The following SUPT3H variants were observed in gnomAD, a reference collection of about 807,000 sequenced individuals.
SUPT3H encodes transcription initiation protein SPT3 homolog.
Under a neutral mutation model 44.3 loss-of-function variants are expected in SUPT3H, and 44 were observed. The observed-to-expected ratio is 0.99, with a 90% CI of 0.78 to 1.28. The LOEUF is 1.28. Among genes scored for constraint, SUPT3H ranks in the 50% most tolerant of loss-of-function variants. The probability of loss-of-function intolerance (pLI) is 0.00; values close to 1 mark genes in which losing one functional copy is unlikely to be tolerated. For missense variants in SUPT3H, 380 were observed against 387.1 expected, an observed-to-expected ratio of 0.98 and a Z score of 0.15; for synonymous variants, 124 against 125.6, an observed-to-expected ratio of 0.99 and a Z score of 0.09.
chr6:45,264,477 T>C (rs1422135004), intron 2 of SUPT3H, among the ~76,000 whole-genome samples: 5 of 152,108 alleles, frequency 3.3e-5, no homozygotes, highest in Admixed American at 2.0e-4. Flanking sequence ...CTGGCCAACA[T>C]GGTGAAACAA....
intron 10 of SUPT3H, among the ~76,000 whole-genome samples, chr6:44,854,692 A>G (rs921235093): frequency 2.0e-5 from 3 of 152,182 alleles, no homozygotes; most frequent in African/African-American, 7.2e-5. Flanking sequence ...TCTGCTTATG[A>G]CCACAAACAC....
chr6:45,348,674 CA>C (rs574845659), intron 2 of SUPT3H, among the ~76,000 whole-genome samples: 1,047 of 76,008 alleles, frequency 0.014, 12 homozygotes, highest in African/African-American at 0.051. Flanking sequence ...AACTCCAACT[CA>C]AAAAAAAAAA....
chr6:45,161,771 C>T (rs746550527), intron 2 of SUPT3H, among the ~76,000 whole-genome samples: 25 of 152,060 alleles, frequency 1.6e-4, no homozygotes, highest in African/African-American at 2.9e-4. Context: ...ATTCTTCTCT[C>T]GAATTTTTTC....
chr6:44,938,597 T>C (rs921389354), intron 9 of SUPT3H, among the ~76,000 whole-genome samples: 4 of 152,130 alleles, frequency 2.6e-5, no homozygotes, highest in African/African-American at 9.7e-5. Context: ...TTTTTTTTTC[T>C]AATTCTGTAA....
At chr6:44,964,121 T>C (rs1489936244) in intron 6 of SUPT3H, among the ~76,000 whole-genome samples, 1 of 152,228 alleles carries the variant, frequency 6.6e-6, no homozygotes, top group Non-Finnish European at 1.5e-5. Flanking sequence ...TGTCTCACTA[T>C]AGCAGGAACT....
chr6:45,077,453 CCT>C (rs1167459717), intron 3 of SUPT3H, among the ~76,000 whole-genome samples: 1 of 151,442 alleles, frequency 6.6e-6, no homozygotes, highest in East Asian at 1.9e-4. Flanking sequence ...ATAGTGAAAC[CCT>C]GTCTCTACAA....
intron 6 of SUPT3H, among the ~76,000 whole-genome samples, chr6:44,997,033 A>G: frequency 6.6e-6 from 1 of 151,860 alleles, no homozygotes. Flanking sequence ...TGACTGTCGT[A>G]GTTTCATGGA....
At chr6:45,122,094 TTAAA>T (rs1246255151) in intron 2 of SUPT3H, among the ~76,000 whole-genome samples, 2 of 152,060 alleles carry the variant, frequency 1.3e-5, no homozygotes, top group African/African-American at 4.8e-5. Context: ...TATATTAACT[TTAAA>T]AAAGAAAATG....
At chr6:44,843,948 CACACACACACAT>C (rs1771447015) in intron 10 of SUPT3H, among the ~76,000 whole-genome samples, 1 of 151,342 alleles carries the variant, frequency 6.6e-6, no homozygotes, top group South Asian at 2.1e-4. Context: ...CACACACACA[CACACACACACAT>C]GCACAGAAAA....
chr6:44,917,045 T>C (rs1239655847), intron 10 of SUPT3H, among the ~76,000 whole-genome samples: 2 of 151,930 alleles, frequency 1.3e-5, no homozygotes, highest in South Asian at 2.1e-4. Flanking sequence ...TCCCAGCTAT[T>C]TGGGAGGCTG....
chr6:44,993,005 A>G (rs1158092873), intron 6 of SUPT3H, among the ~76,000 whole-genome samples: 1 of 152,056 alleles, frequency 6.6e-6, no homozygotes, highest in African/African-American at 2.4e-5. Flanking sequence ...CTCTACAAAA[A>G]TATGAAAATT....
At chr6:45,198,422 T>C (rs886516897) in intron 2 of SUPT3H, among the ~76,000 whole-genome samples, 1 of 151,354 alleles carries the variant, frequency 6.6e-6, no homozygotes, top group Non-Finnish European at 1.5e-5. Flanking sequence ...AATTTAAAAC[T>C]AGAAACCTTC....
At chr6:44,823,514 T>C (rs112562021), downstream of SUPT3H, among the ~76,000 whole-genome samples, 1,357 of 152,254 alleles carry the variant, frequency 8.9e-3, 13 homozygotes, top group South Asian at 0.025. Flanking sequence ...ACCTAGGCCA[T>C]AGGGACCTTC....
At chr6:45,342,945 A>C (rs1330548865) in intron 2 of SUPT3H, among the ~76,000 whole-genome samples, 1 of 152,182 alleles carries the variant, frequency 6.6e-6, no homozygotes, top group Non-Finnish European at 1.5e-5. Context: ...TGTTAAGTTT[A>C]AATTCCAGTT....
chr6:44,981,760 C>T (rs1309172548), intron 6 of SUPT3H, among the ~76,000 whole-genome samples: 2 of 151,048 alleles, frequency 1.3e-5, no homozygotes, highest in Non-Finnish European at 2.9e-5. Flanking sequence ...CGTGTATTCT[C>T]TTATCTCAGG....
chr6:45,179,679 C>CT (rs1584073599), intron 2 of SUPT3H, among the ~76,000 whole-genome samples: 2 of 152,264 alleles, frequency 1.3e-5, no homozygotes, highest in East Asian at 3.9e-4. Flanking sequence ...AATTCAACAA[C>CT]GCTTCATGCT....
At chr6:45,231,054 G>T (rs1767955236) in intron 2 of SUPT3H, among the ~76,000 whole-genome samples, 1 of 152,084 alleles carries the variant, frequency 6.6e-6, no homozygotes, top group African/African-American at 2.4e-5. Flanking sequence ...CTTGTTAACT[G>T]TTGTTTAGTT....
chr6:45,037,346 AATG>A (rs1787823518), intron 3 of SUPT3H, among the ~76,000 whole-genome samples: 1 of 151,808 alleles, frequency 6.6e-6, no homozygotes, highest in Non-Finnish European at 1.5e-5. Flanking sequence ...AGATGAACAT[AATG>A]ATAAGATAGA....
intron 2 of SUPT3H, among the ~76,000 whole-genome samples, chr6:45,108,322 A>C (rs2153572590): frequency 6.6e-6 from 1 of 152,322 alleles, no homozygotes; most frequent in East Asian, 1.9e-4. Flanking sequence ...CTAAAATACA[A>C]AAGAAATTAG....
Sources: gnomAD v4.1 joint callset for allele counts (sites outside exome capture counted in the v4.1 genomes callset) on GRCh38, gnomAD v4.1.1 for gene constraint, MANE v1.5 for transcripts, NCBI Gene and HGNC (gene_info 2026-07-23, HGNC 2026-07-21) for gene names.